The following SHISA9 variants were observed in gnomAD, a reference collection of about 807,000 sequenced individuals.
SHISA9 encodes shisa family member 9.
In SHISA9, 13 loss-of-function variants were observed where a neutral mutation model predicts 38.0. That is an observed-to-expected ratio of 0.34 (90% CI 0.22 to 0.54). The LOEUF is 0.54. Among genes scored for constraint, SHISA9 ranks in the 20% least tolerant of loss-of-function variants. The pLI is 0.91. For synonymous variants in SHISA9, 275 were observed against 242.0 expected (o/e 1.14, Z -1.27); for missense variants, 538 against 575.8 (o/e 0.93, Z 0.67).
At chr16:13,084,435 G>T (rs1596637330) in intron 2 of SHISA9, among the ~76,000 whole-genome samples, 1 of 152,194 alleles carries the variant, frequency 6.6e-6, no homozygotes, top group South Asian at 2.1e-4. Flanking sequence ...GGAGAGGCTT[G>T]TGGGAAAATG....
rs547797534 is a variant in SHISA9 at position 12,902,319 on chromosome 16, C to T, written c.255C>T (p.Asp85=). 230 of 1,551,166 alleles carry T rather than the reference C, an allele frequency of 1.5e-4. No homozygotes were observed. In the African/African-American group the frequency reaches 2.6e-3, roughly 17 times the overall value. Residue 85 remains aspartate (D), a synonymous_variant, in exon 1 of 5, where the codon GAC becomes GAT. Coordinates refer to ENST00000558583, the MANE Select transcript of SHISA9 (RefSeq NM_001145204.3). ...RGYFDVMGQW[D]PPFNCSSGDF... The stretch of plus-strand genomic sequence containing the variant: ...ACTTCGATGTCATGGGCCAGTGGGA[C>T]CCGCCGTTCAACTGCAGCTCGGGCG...
intron 2 of SHISA9, among the ~76,000 whole-genome samples, chr16:12,956,478 T>C (rs2071836558): frequency 6.6e-6 from 1 of 152,210 alleles, no homozygotes. Context: ...CCAACCTAAG[T>C]GTCCCTTAAT....
chr16:13,532,684 C>T, the SHISA9 span, among the ~76,000 whole-genome samples: 9 of 152,042 alleles, frequency 5.9e-5, no homozygotes, highest in African/African-American at 1.9e-4. Context: ...ACATGGCTGC[C>T]TTCTGACAAT....
At chr16:13,414,643 T>TTCC in the SHISA9 span, among the ~76,000 whole-genome samples, 3 of 88,828 alleles carry the variant, frequency 3.4e-5, no homozygotes, top group African/African-American at 1.2e-4. Flanking sequence ...TTCTTCTTTC[T>TTCC]TTCTTTCTTT....
At chr16:13,401,502 A>T in the SHISA9 span, among the ~76,000 whole-genome samples, 1 of 152,158 alleles carries the variant, frequency 6.6e-6, no homozygotes, top group Non-Finnish European at 1.5e-5. Context: ...CCCCAGTGGG[A>T]CTGTATTTGA....
chr16:12,916,991 G>A (rs2071267364), intron 2 of SHISA9, among the ~76,000 whole-genome samples, 176 bp downstream of exon 2: 1 of 152,162 alleles, frequency 6.6e-6, no homozygotes, highest in African/African-American at 2.4e-5. Flanking sequence ...ATGTCCGTTG[G>A]TTGCTTTCTT....
At chr16:13,398,670 C>G in the SHISA9 span, among the ~76,000 whole-genome samples, 2 of 151,964 alleles carry the variant, frequency 1.3e-5, no homozygotes, top group African/African-American at 4.8e-5. Context: ...GCCACCACGT[C>G]CGGCTAATTT....
At chr16:12,953,307 G>C (rs139928211) in intron 2 of SHISA9, among the ~76,000 whole-genome samples, 2 of 152,278 alleles carry the variant, frequency 1.3e-5, no homozygotes, top group East Asian at 3.9e-4. Context: ...GCATTGTTTG[G>C]AGTGCTTTGC....
At chr16:13,304,415 A>G in the SHISA9 span, among the ~76,000 whole-genome samples, 1 of 152,178 alleles carries the variant, frequency 6.6e-6, no homozygotes, top group Admixed American at 6.5e-5. Context: ...ATGCATCACC[A>G]TGCCAGGCTA....
At chr16:13,060,637 CAAAAAAAAAA>C (rs5815739) in intron 2 of SHISA9, among the ~76,000 whole-genome samples, 1 of 86,560 alleles carries the variant, frequency 1.2e-5, no homozygotes, top group South Asian at 4.1e-4. Flanking sequence ...GACCCCATCT[CAAAAAAAAAA>C]AAAAAAAAAA....
chr16:13,271,553 A>G, the SHISA9 span, among the ~76,000 whole-genome samples: 1 of 152,202 alleles, frequency 6.6e-6, no homozygotes, highest in Admixed American at 6.5e-5. Flanking sequence ...TTCTTCCACC[A>G]TAAAAAGAAA....
chr16:13,421,325 T>G, the SHISA9 span, among the ~76,000 whole-genome samples: 1 of 152,152 alleles, frequency 6.6e-6, no homozygotes, highest in Non-Finnish European at 1.5e-5. Context: ...GAAAAAGAGG[T>G]GTAATTGGAC....
intron 2 of SHISA9, among the ~76,000 whole-genome samples, chr16:13,028,344 C>A (rs1191155245): frequency 6.6e-6 from 1 of 152,122 alleles, no homozygotes; most frequent in Non-Finnish European, 1.5e-5. Context: ...TGTTTTCATG[C>A]TGCTGATAAA....
At chr16:13,359,939 C>A in the SHISA9 span, among the ~76,000 whole-genome samples, 1 of 152,154 alleles carries the variant, frequency 6.6e-6, no homozygotes, top group Non-Finnish European at 1.5e-5. Flanking sequence ...AAGAAAGCTG[C>A]CCAGGGTGGA....
At chr16:13,182,288 C>A (rs915598445) in intron 2 of SHISA9, among the ~76,000 whole-genome samples, 7 of 152,140 alleles carry the variant, frequency 4.6e-5, no homozygotes, top group Non-Finnish European at 7.3e-5. Flanking sequence ...AAGTAACTTA[C>A]CTGAGGTCAC....
chr16:12,911,407 A>G (rs2071181739), intron 1 of SHISA9: 1 of 983,592 alleles, frequency 1.0e-6, no homozygotes, highest in African/African-American at 1.7e-5. Flanking sequence ...GTTTTTTTGT[A>G]TGCACCCCAA....
At chr16:13,164,680 A>T (rs996896291) in intron 2 of SHISA9, among the ~76,000 whole-genome samples, 1 of 152,086 alleles carries the variant, frequency 6.6e-6, no homozygotes, top group Non-Finnish European at 1.5e-5. Context: ...ACATTTCGAT[A>T]TGTTACATTT....
chr16:13,162,478 G>A (rs536923628), intron 2 of SHISA9, among the ~76,000 whole-genome samples: 10 of 152,242 alleles, frequency 6.6e-5, no homozygotes, highest in South Asian at 2.1e-4. Context: ...CAATCACTGC[G>A]CTGAGCATAC....
chr16:13,156,298 G>A (rs2050546148), intron 2 of SHISA9, among the ~76,000 whole-genome samples: 1 of 152,132 alleles, frequency 6.6e-6, no homozygotes, highest in African/African-American at 2.4e-5. Flanking sequence ...AAATGAGGTG[G>A]TACTTGCCAG....
Sources: allele counts gnomAD v4.1 joint callset (sites outside exome capture counted in the v4.1 genomes callset), GRCh38; gene constraint gnomAD v4.1.1; transcripts MANE v1.5; gene names NCBI Gene and HGNC (gene_info 2026-07-23, HGNC 2026-07-21).